Variants in LZTS1 observed in about 807,000 individuals in gnomAD.
LZTS1 encodes leucine zipper putative tumor suppressor 1.
A neutral mutation model predicts 45.8 loss-of-function variants in LZTS1; 31 were observed. The ratio of observed to expected loss-of-function variants is 0.68; its 90% CI spans 0.51 to 0.91. The LOEUF is 0.91. Among genes scored for constraint, LZTS1 ranks in the 40% least tolerant of loss-of-function variants. The probability of loss-of-function intolerance (pLI) is 0.00; values close to 1 mark genes in which losing one functional copy is unlikely to be tolerated. For missense variants in LZTS1, 821 were observed against 788.9 expected, an observed-to-expected ratio of 1.04 and a Z score of -0.49; for synonymous variants, 359 against 357.3, an observed-to-expected ratio of 1.00 and a Z score of -0.05.
chr8:20,263,867 T>G (rs1274894806), intron 1 of LZTS1, among the ~76,000 whole-genome samples: 1 of 152,176 alleles, frequency 6.6e-6, no homozygotes, highest in Non-Finnish European at 1.5e-5. Context: ...CTTTTCCTTG[T>G]GTTTAATAAA....
intron 1 of LZTS1, among the ~76,000 whole-genome samples, chr8:20,273,990 A>G (rs59153219): frequency 0.13 from 20,335 of 151,866 alleles, 2,270 homozygotes; most frequent in African/African-American, 0.31. Flanking sequence ...TTTCTCCCTC[A>G]GACCCTGCCC....
At position 20,249,950 on chromosome 8, in the gene LZTS1, C is replaced by T; in HGVS notation, c.1563G>A (p.Met521Ile). 1 of 1,614,158 alleles carries T rather than the reference C, an allele frequency of 6.2e-7. No individual in the cohort carries two copies. The change falls in exon 4 of 4, where the codon ATG becomes ATA. Residue 521 changes from methionine to isoleucine, a missense_variant. Physicochemically the swap from Met to Ile is conservative, Grantham distance 10. Coordinates refer to ENST00000381569, the MANE Select transcript of LZTS1 (RefSeq NM_021020.5). The part of the protein sequence containing the change: ...LREERQGHDQ[M>I]SSGFQHERLV... ...GCCGCTCATGCTGGAAGCCCGAGGA[C>T]ATCTGGTCATGGCCTTGCCGCTCCT...
At chr8:20,264,499 G>C (rs1800308370) in intron 1 of LZTS1, among the ~76,000 whole-genome samples, 1 of 152,200 alleles carries the variant, frequency 6.6e-6, no homozygotes. Flanking sequence ...GTGAGACAGA[G>C]AGCCCCTGAG....
intron 1 of LZTS1, among the ~76,000 whole-genome samples, chr8:20,273,007 C>G (rs1353821322): frequency 6.6e-6 from 1 of 152,222 alleles, no homozygotes; most frequent in African/African-American, 2.4e-5. Flanking sequence ...ATCATACTCA[C>G]TATTGCTGCT....
In LZTS1 at chr8:20,252,819, GTCT is replaced by G; in HGVS notation, c.1109_1111del (p.Lys370del). The G allele has an allele frequency of 1.3e-6, 2 of 1,546,750 alleles. No homozygotes were observed. Among genetic ancestry groups the G allele is most frequent in the Admixed American group, 2.1e-5 (1 of 48,222 alleles). On this transcript the variant is annotated inframe_deletion, in exon 3 of 4. Transcript: ENST00000381569. ...CTCCTCCAGCGCGGGGCCGAAGCTG[GTCT>G]TCTCCCTCTCGTAGGACCTGAGCTT...
chr8:20,295,072 T>A (rs1800958891), intron 1 of LZTS1, among the ~76,000 whole-genome samples: 1 of 152,106 alleles, frequency 6.6e-6, no homozygotes, highest in South Asian at 2.1e-4. Flanking sequence ...AACCTCTCCC[T>A]GGGTGCCCAA....
rs1157043414 is a variant in LZTS1, at chr8:20,303,866, T to G, written c.-261A>C. On this transcript the variant is annotated 5_prime_UTR_variant, in exon 1 of 4. Transcript: ENST00000381569. ...CCGGTCCCACTGCGCGGGATGCAGC[T>G]CCCGGCTCCCACTCACTGGCCGAGG... The G allele has an allele frequency of 1.0e-6, 1 of 983,632 alleles. No individual in the cohort carries two copies. The highest frequency in any genetic ancestry group is 1.1e-4 in the East Asian group (1 of 8,776). The allele number at this position is 983,632 out of a possible 1,614,324, so 60.9% of individuals were successfully genotyped here. A position where few individuals can be genotyped will look rare whatever the true frequency, so the allele number is the denominator to read the frequency against.
At chr8:20,268,400 C>T (rs1230899751) in intron 1 of LZTS1, among the ~76,000 whole-genome samples, 1 of 151,968 alleles carries the variant, frequency 6.6e-6, no homozygotes, top group African/African-American at 2.4e-5. Context: ...TGATGATTCT[C>T]CCCGTTCCCC....
chr8:20,257,731 A>G (rs1468472119), intron 1 of LZTS1, among the ~76,000 whole-genome samples: 2 of 144,708 alleles, frequency 1.4e-5, no homozygotes, highest in African/African-American at 2.6e-5. Context: ...GTGCAGTGGC[A>G]TGATCTTGGC....
rs555344055 is a variant in LZTS1, at chr8:20,296,132, T to A, written c.-135+7608A>T. Among the ~76,000 whole-genome samples the A allele has an allele frequency of 4.6e-5, 7 of 152,270 alleles. No individual in the cohort carries two copies. The South Asian group carries it at 1.5e-3, about 32-fold the overall frequency. Reference sequence around the variant, plus strand: ...GTCCATGGTGCCAAGAGGAGGGTGATTTAGCAGCAAATGGCTCTGCAGCAG... The same window carrying A: ...GTCCATGGTGCCAAGAGGAGGGTGAATTAGCAGCAAATGGCTCTGCAGCAG... On this transcript the variant is annotated intron_variant, in intron 1 of 3. Coordinates refer to ENST00000381569, the MANE Select transcript of LZTS1 (RefSeq NM_021020.5).
intron 1 of LZTS1, among the ~76,000 whole-genome samples, chr8:20,257,171 G>A (rs1291672395): frequency 6.6e-6 from 1 of 152,132 alleles, no homozygotes; most frequent in Non-Finnish European, 1.5e-5. Context: ...CTAACATGGT[G>A]GAACCCCGTC....
At chr8:20,265,673 T>A in intron 1 of LZTS1, among the ~76,000 whole-genome samples, 1 of 15,322 alleles carries the variant, frequency 6.5e-5, no homozygotes, top group Non-Finnish European at 1.4e-4. Context: ...AGAGACTCTG[T>A]CTCAAAAAAA....
intron 1 of LZTS1, among the ~76,000 whole-genome samples, chr8:20,281,887 C>G (rs1800699794): frequency 6.6e-6 from 1 of 152,114 alleles, no homozygotes; most frequent in Admixed American, 6.5e-5. Context: ...AATAAATGGA[C>G]TAATACAGGA....
At chr8:20,263,315 G>C (rs1800284101) in intron 1 of LZTS1, among the ~76,000 whole-genome samples, 1 of 151,828 alleles carries the variant, frequency 6.6e-6, no homozygotes. Context: ...ACCACAACAC[G>C]AGGGTCTGGA....
intron 1 of LZTS1, among the ~76,000 whole-genome samples, chr8:20,292,776 C>T (rs551488564): frequency 5.5e-4 from 83 of 152,246 alleles, no homozygotes; most frequent in Middle Eastern, 6.8e-3. Context: ...GAGTCCTCAT[C>T]CACCAGCCCC....
At chr8:20,284,006 C>CTCTT (rs1378694403) in intron 1 of LZTS1, among the ~76,000 whole-genome samples, 1 of 152,180 alleles carries the variant, frequency 6.6e-6, no homozygotes, top group Non-Finnish European at 1.5e-5. Context: ...GCTCCAACCC[C>CTCTT]TCTTTCTTGA....
chr8:20,284,647 C>G (rs1004275647), intron 1 of LZTS1, among the ~76,000 whole-genome samples: 4 of 152,114 alleles, frequency 2.6e-5, no homozygotes, highest in Middle Eastern at 3.2e-3. Flanking sequence ...CTAAGCCACA[C>G]TCTGTGGTTC....
At chr8:20,269,311 A>G (rs1381043070) in intron 1 of LZTS1, among the ~76,000 whole-genome samples, 1 of 152,112 alleles carries the variant, frequency 6.6e-6, no homozygotes, top group African/African-American at 2.4e-5. Context: ...TGCAATCTCC[A>G]GAGGAGGGCT....
intron 1 of LZTS1, among the ~76,000 whole-genome samples, chr8:20,280,916 A>G (rs1800678653): frequency 6.6e-6 from 1 of 152,150 alleles, no homozygotes; most frequent in Non-Finnish European, 1.5e-5. Flanking sequence ...TCTAGGCTGA[A>G]TTCTTCTCTA....
Sources: gnomAD v4.1 joint callset for allele counts (sites outside exome capture counted in the v4.1 genomes callset) on GRCh38, gnomAD v4.1.1 for gene constraint, MANE v1.5 for transcripts, NCBI Gene and HGNC (gene_info 2026-07-23, HGNC 2026-07-21) for gene names.